ASIC2: variants seen among roughly 807,000 people sequenced by gnomAD.
The protein encoded by ASIC2 is acid-sensing ion channel 2.
Under a neutral mutation model 57.3 loss-of-function variants are expected in ASIC2, and 25 were observed. That is an observed-to-expected ratio of 0.44 (90% CI 0.32 to 0.61). The LOEUF is 0.61. Among genes scored for constraint, ASIC2 ranks in the 20% least tolerant of loss-of-function variants. The pLI, the probability that ASIC2 is intolerant of heterozygous loss-of-function variation, is 0.06. For missense variants in ASIC2, 641 were observed against 738.1 expected, an observed-to-expected ratio of 0.87 and a Z score of 1.52; for synonymous variants, 319 against 307.5, an observed-to-expected ratio of 1.04 and a Z score of -0.39.
rs1253214067 is a variant in ASIC2 at position 33,969,482 on chromosome 17, A to G, written c.555+186496T>C. ...TCAGTCACAAGGAATGAAGTAGTCT[A>G]TCTGCAAGGTGGTCCCAAGTGACAT... is the stretch of plus-strand genomic sequence containing the variant. On this transcript the variant is annotated intron_variant, in intron 1 of 9. Coordinates refer to the ASIC2 transcript ENST00000359872. Among the ~76,000 whole-genome samples the G allele has an allele frequency of 5.9e-5, 9 of 152,342 alleles. No individual in the cohort carries two copies. In the East Asian group the frequency reaches 9.6e-4, roughly 16 times the overall value.
intron 1 of ASIC2, among the ~76,000 whole-genome samples, chr17:33,255,335 T>G (rs532819583): frequency 1.3e-5 from 2 of 152,008 alleles, no homozygotes; most frequent in Non-Finnish European, 2.9e-5. Flanking sequence ...CCACCATGCC[T>G]GGCCAGAAAG....
intron 1 of ASIC2, among the ~76,000 whole-genome samples, chr17:34,098,662 C>T (rs1307974294): frequency 6.6e-6 from 1 of 152,124 alleles, no homozygotes; most frequent in Non-Finnish European, 1.5e-5. Flanking sequence ...TCAAAGAAAA[C>T]ATAGGAGGCT....
chr17:34,026,486 G>A (rs912166439), intron 1 of ASIC2, among the ~76,000 whole-genome samples: 1 of 152,072 alleles, frequency 6.6e-6, no homozygotes. Flanking sequence ...CATAACCTGG[G>A]GAGACTGGGC....
At chr17:33,929,949 C>T (rs1915896166) in intron 1 of ASIC2, among the ~76,000 whole-genome samples, 1 of 152,260 alleles carries the variant, frequency 6.6e-6, no homozygotes, top group Non-Finnish European at 1.5e-5. Flanking sequence ...TTGGTCTCCA[C>T]TTTGCTAACT....
rs1249060614 is a variant in ASIC2, at chr17:33,783,080, T to C, written c.555+372898A>G. ...CAGATTCCTAAGCACCCTGCTTACA[T>C]TACTCCTTTTCACCCCATCACTTTC... On this transcript the variant is annotated intron_variant, in intron 1 of 9. Transcript: ENST00000359872. 2.0e-5 allele frequency among the ~76,000 whole-genome samples: 3 copies of C among 152,220 alleles called. No homozygotes were observed. In the East Asian group the frequency reaches 5.8e-4, roughly 29 times the overall value.
At position 33,612,332 on chromosome 17, in the gene ASIC2, A is replaced by C. The variant is rs574779234; in HGVS notation, c.556-500265T>G. 2.8e-4 allele frequency among the ~76,000 whole-genome samples: 43 copies of C among 152,332 alleles called. No homozygotes were observed. The Middle Eastern group carries it at 0.01, about 36-fold the overall frequency. The stretch of plus-strand genomic sequence containing the variant: ...GGCTGATACCTGTGGTTCTTTTACC[A>C]GGAGTGGGTAGAAAACTCAGAGCAA... On this transcript the variant is annotated intron_variant, in intron 1 of 9. Transcript: ENST00000359872.
chr17:34,046,586 A>C (rs1908346511), intron 1 of ASIC2, among the ~76,000 whole-genome samples: 1 of 152,184 alleles, frequency 6.6e-6, no homozygotes, highest in Admixed American at 6.5e-5. Flanking sequence ...TTATCCATAA[A>C]TTCCCAACTT....
intron 1 of ASIC2, among the ~76,000 whole-genome samples, chr17:33,662,010 A>G (rs1349311213): frequency 1.3e-5 from 2 of 152,176 alleles, no homozygotes; most frequent in Non-Finnish European, 2.9e-5. Context: ...GAATGAGACC[A>G]TTCTTGCTCA....
chr17:33,277,478 G>T (rs2142164345), intron 1 of ASIC2, among the ~76,000 whole-genome samples: 1 of 152,298 alleles, frequency 6.6e-6, no homozygotes, highest in East Asian at 1.9e-4. Context: ...TTATCATGAA[G>T]ATAACAGACG....
intron 1 of ASIC2, among the ~76,000 whole-genome samples, chr17:33,981,201 C>T (rs1357352195): frequency 2.0e-5 from 3 of 152,240 alleles, no homozygotes; most frequent in African/African-American, 4.8e-5. Context: ...CCACCTGCCT[C>T]GGCCTCCCAA....
rs986618444 is a variant in ASIC2 at position 34,108,625 on chromosome 17, A to G, written c.555+47353T>C. On this transcript the variant is annotated intron_variant, in intron 1 of 9. Coordinates refer to the ASIC2 transcript ENST00000359872. ...TTGCAGTTATTGGGTTTAGTGTTCT[A>G]TAAGTGCCAATTAGGTCCAAGCAGT... is the stretch of plus-strand genomic sequence containing the variant. 5.9e-5 allele frequency among the ~76,000 whole-genome samples: 9 copies of G among 152,182 alleles called. No individual in the cohort carries two copies. The South Asian group carries it at 8.3e-4, about 14-fold the overall frequency.
chr17:33,895,272 C>T lies in ASIC2; in HGVS notation c.555+260706G>A, dbSNP rs150181801. 3.3e-3 allele frequency among the ~76,000 whole-genome samples: 508 copies of T among 151,898 alleles called. 7 individuals are homozygous for T. The highest frequency in any genetic ancestry group is 0.012 in the African/African-American group (487 of 41,422). On this transcript the variant is annotated intron_variant, in intron 1 of 9. Transcript: ENST00000359872. The stretch of plus-strand genomic sequence containing the variant: ...CTGCCTCCTGGGTTCAAGCAATCCT[C>T]GTGTCTCAGCCTCCTGAGTAGCTGG...
chr17:33,259,099 A>G (rs564537970), intron 1 of ASIC2, among the ~76,000 whole-genome samples: 42 of 152,290 alleles, frequency 2.8e-4, no homozygotes, highest in Admixed American at 5.2e-4. Flanking sequence ...ATTCCGGGTA[A>G]TGGTGAGGGC....
chr17:33,374,820 A>T (rs1281620231), intron 1 of ASIC2, among the ~76,000 whole-genome samples: 1 of 152,170 alleles, frequency 6.6e-6, no homozygotes, highest in Admixed American at 6.5e-5. Context: ...GGAGTGTCTG[A>T]ATGGTTAAGT....
chr17:33,425,911 C>T lies in ASIC2; in HGVS notation c.556-313844G>A, dbSNP rs750977299. Among the ~76,000 whole-genome samples the T allele has an allele frequency of 1.2e-4, 19 of 152,178 alleles. No individual in the cohort carries two copies. In the Middle Eastern group the frequency reaches 0.01, roughly 82 times the overall value. On this transcript the variant is annotated intron_variant, in intron 1 of 9. Coordinates refer to the ASIC2 transcript ENST00000359872. The stretch of plus-strand genomic sequence containing the variant: ...GATCCTGGCCTGCCCCTAGGAGACC[C>T]GGTCAGGCGCAGCGCCAACAAAAAT...
chr17:33,798,750 A>G (rs1255171655), intron 1 of ASIC2, among the ~76,000 whole-genome samples: 4 of 152,190 alleles, frequency 2.6e-5, no homozygotes, highest in African/African-American at 9.7e-5. Flanking sequence ...CCCCAGCTCA[A>G]TTTAGGCAGC....
intron 1 of ASIC2, among the ~76,000 whole-genome samples, chr17:33,924,354 T>C (rs1428319410): frequency 6.6e-6 from 1 of 152,116 alleles, no homozygotes; most frequent in Non-Finnish European, 1.5e-5. Flanking sequence ...CAGAGTCTGC[T>C]CTCCAGGGGC....
At chr17:33,957,621 A>G (rs1433471829) in intron 1 of ASIC2, among the ~76,000 whole-genome samples, 2 of 152,152 alleles carry the variant, frequency 1.3e-5, no homozygotes, top group Non-Finnish European at 2.9e-5. Context: ...GCATGGGAAA[A>G]TCCACCACCA....
intron 1 of ASIC2, among the ~76,000 whole-genome samples, chr17:33,483,743 G>A (rs1347970759): frequency 6.6e-6 from 1 of 152,178 alleles, no homozygotes; most frequent in Non-Finnish European, 1.5e-5. Context: ...CCTATAAATT[G>A]GAAGCTGGGA....
Sources: allele counts gnomAD v4.1 joint callset (sites outside exome capture counted in the v4.1 genomes callset), GRCh38; gene constraint gnomAD v4.1.1; transcripts MANE v1.5; gene names NCBI Gene and HGNC (gene_info 2026-07-23, HGNC 2026-07-21).